Variants in CD2 observed in about 807,000 individuals in gnomAD.
CD2 encodes the protein CD2 molecule.
CD2 carries 18 observed loss-of-function variants against 23.2 expected under a neutral mutation model. That is an observed-to-expected ratio of 0.77 (90% CI 0.54 to 1.15). CD2 has a LOEUF of 1.15. Among genes scored for constraint, CD2 ranks in the 50% most tolerant of loss-of-function variants. The pLI, the probability that CD2 is intolerant of heterozygous loss-of-function variation, is 0.00. For missense variants in CD2, 424 were observed against 423.1 expected, an observed-to-expected ratio of 1.00 and a Z score of -0.02; for synonymous variants, 162 against 151.9, an observed-to-expected ratio of 1.07 and a Z score of -0.49.
At chr1:116,758,794 C>T (rs1393768211) in intron 2 of CD2, among the ~76,000 whole-genome samples, 2 of 152,054 alleles carry the variant, frequency 1.3e-5, no homozygotes, top group Non-Finnish European at 2.9e-5. Context: ...TTATTTAAAG[C>T]GCCCAACAAT....
chr1:116,755,773 G>T (rs1162015991), intron 2 of CD2, among the ~76,000 whole-genome samples: 2 of 152,096 alleles, frequency 1.3e-5, no homozygotes, highest in Non-Finnish European at 2.9e-5. Context: ...GATAATAAGG[G>T]TCAGGCATAG....
At position 116,760,617 on chromosome 1, in the gene CD2, C is replaced by A. The variant is rs113115735; in HGVS notation, c.598C>A (p.Pro200Thr). Residue 200 changes from proline (P) to threonine (T), a missense_variant, in exon 3 of 5, where the codon CCT becomes ACT. Physicochemically the swap from Pro to Thr is conservative, Grantham distance 38. Coordinates refer to ENST00000369478, the MANE Select transcript of CD2 (RefSeq NM_001767.5). ...NKVSKESSVE[P>T]VSCPEKGLDI... Reference sequence around the variant, plus strand: ...AGTCAGCAAGGAATCCAGTGTCGAGCCTGTCAGCTGTCCAGGTGCGTGGCG... The same window carrying A: ...AGTCAGCAAGGAATCCAGTGTCGAGACTGTCAGCTGTCCAGGTGCGTGGCG... 6.8e-6 allele frequency: 11 copies of A among 1,614,136 alleles called. No homozygotes were observed. Among genetic ancestry groups the A allele is most frequent in the African/African-American group, 5.3e-5 (4 of 75,060 alleles).
chr1:116,761,004 C>A (rs1266203677), intron 3 of CD2, among the ~76,000 whole-genome samples: 1 of 152,154 alleles, frequency 6.6e-6, no homozygotes, highest in African/African-American at 2.4e-5. Context: ...GACATGATTC[C>A]AACTGCTCCC....
At chr1:116,755,036 C>A (rs180901758) in intron 2 of CD2, 85 bp downstream of exon 2, 3 of 919,180 alleles carry the variant, frequency 3.3e-6, no homozygotes, top group South Asian at 1.7e-5. Flanking sequence ...TATTCCCCAG[C>A]GCTGACCTCT....
chr1:116,764,699 G>A (rs1011690326), intron 4 of CD2, 93 bp downstream of exon 4: 3 of 930,844 alleles, frequency 3.2e-6, no homozygotes, highest in East Asian at 4.9e-5. Context: ...CAGAGAAAAT[G>A]ATGGAAATAG....
In CD2 at chr1:116,764,489, G is replaced by A. The variant is rs752014641; in HGVS notation, c.619G>A (p.Gly207Ser). The part of the protein sequence containing the change: ...SVEPVSCPEK[G>S]LDIYLIIGIC... ...CACTTCTCTTCCTTTTGCAGAGAAA[G>A]GTCTGGACATCTATCTCATCATTGG... The change falls in exon 4 of 5, where the codon GGT becomes AGT. Residue 207 changes from glycine (G) to serine (S), a missense_variant. Transcript: ENST00000369478. The A allele has an allele frequency of 2.9e-5, 46 of 1,613,934 alleles. No homozygotes were observed. Among genetic ancestry groups the A allele is most frequent in the South Asian group, 7.7e-5 (7 of 91,074 alleles).
At chr1:116,757,382 C>G (rs1651888163) in intron 2 of CD2, among the ~76,000 whole-genome samples, 1 of 152,056 alleles carries the variant, frequency 6.6e-6, no homozygotes, top group African/African-American at 2.4e-5. Flanking sequence ...ATGGAGGGCC[C>G]CTTAGAAGCA....
At chr1:116,760,294 C>A in intron 2 of CD2, 108 bp from the exon 3 acceptor site, 1 of 766,498 alleles carries the variant, frequency 1.3e-6, no homozygotes, top group South Asian at 1.8e-5. Flanking sequence ...AGGTCTTTGA[C>A]ATTGTTCCCT....
At chr1:116,762,204 G>A (rs1652076595) in intron 3 of CD2, among the ~76,000 whole-genome samples, 1 of 152,154 alleles carries the variant, frequency 6.6e-6, no homozygotes, top group Non-Finnish European at 1.5e-5. Flanking sequence ...ATATTGCATG[G>A]AACATACTTA....
At chr1:116,765,724 C>G (rs1259792719) in intron 4 of CD2, among the ~76,000 whole-genome samples, 1 of 152,226 alleles carries the variant, frequency 6.6e-6, no homozygotes, top group Non-Finnish European at 1.5e-5. Context: ...GTTCTCCATG[C>G]TCCTCTCCAT....
chr1:116,768,449 G>C lies in CD2; in HGVS notation c.737-15G>C. The C allele has an allele frequency of 6.2e-7, 1 of 1,611,254 alleles. No individual in the cohort carries two copies. Among genetic ancestry groups the C allele is most frequent in the Non-Finnish European group, 8.5e-7 (1 of 1,178,304 alleles). On this transcript the variant is annotated splice_polypyrimidine_tract_variant and intron_variant, in intron 4 of 4. Transcript: ENST00000369478. ...CCTGGCCAAGATGAACTCTATTGAGGTTTTGTTGTTGCAGATGAGGAGCTG... is the reference window on the plus strand; with the variant it reads ...CCTGGCCAAGATGAACTCTATTGAGCTTTTGTTGTTGCAGATGAGGAGCTG...
chr1:116,763,217 G>T (rs1346139733), intron 3 of CD2, among the ~76,000 whole-genome samples: 1 of 152,224 alleles, frequency 6.6e-6, no homozygotes, highest in Non-Finnish European at 1.5e-5. Flanking sequence ...GAATGGGTCA[G>T]AGAGAGACTC....
intron 4 of CD2, among the ~76,000 whole-genome samples, chr1:116,767,491 C>T (rs921641819): frequency 9.3e-5 from 14 of 150,794 alleles, no homozygotes; most frequent in African/African-American, 3.4e-4. Flanking sequence ...CTCAGGAGGC[C>T]GAGGCAGGAG....
In CD2 at chr1:116,768,487, C is replaced by G. The variant is rs1160372804; in HGVS notation, c.760C>G (p.His254Asp). 1.2e-6 allele frequency: 2 copies of G among 1,614,002 alleles called. No individual in the cohort carries two copies. The highest frequency in any genetic ancestry group is 1.1e-5 in the South Asian group (1 of 91,072). Residue 254 changes from histidine (H) to aspartate (D), a missense_variant, in exon 5 of 5, where the codon CAC (histidine) becomes GAC (aspartate). Coordinates refer to ENST00000369478, the MANE Select transcript of CD2 (RefSeq NM_001767.5). ...AGATGAGGAGCTGGAGACAAGAGCC[C>G]ACAGAGTAGCTACTGAAGAAAGGGG... ...RNDEELETRA[H>D]RVATEERGRK...
chr1:116,760,408 TCTCA>T lies in CD2; in HGVS notation c.390_393del (p.Ser131AsnfsTer13). On this transcript the variant is annotated frameshift_variant, in exon 3 of 5. Transcript: ENST00000369478. LOFTEE classifies it high-confidence loss of function. ...ATCTTTACTTTCTTTTTAGAGAGGG[TCTCA>T]AAACCAAAGATCTCCTGGACTTGTA... 1 of 1,613,146 alleles carries T rather than the reference TCTCA, an allele frequency of 6.2e-7. No individual in the cohort carries two copies. The highest frequency in any genetic ancestry group is 8.5e-7 in the Non-Finnish European group (1 of 1,179,360).
chr1:116,768,479 C>A lies in CD2; in HGVS notation c.752C>A (p.Thr251Lys). ...RSRRNDEELE[T>K]RAHRVATEER... ...GTTGTTGCAGATGAGGAGCTGGAGA[C>A]AAGAGCCCACAGAGTAGCTACTGAA... The change falls in exon 5 of 5, where the codon ACA becomes AAA. Residue 251 changes from threonine (T) to lysine (K), a missense_variant. Coordinates refer to ENST00000369478, the MANE Select transcript of CD2 (RefSeq NM_001767.5). 1 of 1,613,674 alleles carries A rather than the reference C, an allele frequency of 6.2e-7. No homozygotes were observed. The highest frequency in any genetic ancestry group is 8.5e-7 in the Non-Finnish European group (1 of 1,179,678).
chr1:116,760,641 C>A lies in CD2; in HGVS notation c.613+9C>A. The A allele has an allele frequency of 6.2e-7, 1 of 1,607,828 alleles. No homozygotes were observed. On this transcript the variant is annotated intron_variant, in intron 3 of 4. Coordinates refer to ENST00000369478, the MANE Select transcript of CD2 (RefSeq NM_001767.5). ...GCCTGTCAGCTGTCCAGGTGCGTGGCGGGCATCACTTCACAAACACAGCCT... is the reference window on the plus strand; with the variant it reads ...GCCTGTCAGCTGTCCAGGTGCGTGGAGGGCATCACTTCACAAACACAGCCT...
intron 2 of CD2, among the ~76,000 whole-genome samples, chr1:116,757,609 T>A (rs1651899090): frequency 6.6e-6 from 1 of 152,132 alleles, no homozygotes; most frequent in Admixed American, 6.5e-5. Flanking sequence ...TAAGAATGCA[T>A]CCTTTAAAAA....
chr1:116,765,387 C>A (rs1652184815), intron 4 of CD2, among the ~76,000 whole-genome samples: 2 of 152,298 alleles, frequency 1.3e-5, no homozygotes, highest in South Asian at 4.1e-4. Flanking sequence ...GCAGGCACAG[C>A]CACACCAGCT....
Sources: gnomAD v4.1 joint callset for allele counts (sites outside exome capture counted in the v4.1 genomes callset) on GRCh38, gnomAD v4.1.1 for gene constraint, MANE v1.5 for transcripts, NCBI Gene and HGNC (gene_info 2026-07-23, HGNC 2026-07-21) for gene names.